The following TMEM131L variants were observed in gnomAD, a reference collection of about 807,000 sequenced individuals.
TMEM131L encodes the protein transmembrane protein 131-like.
In TMEM131L, 54 loss-of-function variants were observed where a neutral mutation model predicts 192.2. The observed-to-expected ratio is 0.28, with a 90% CI of 0.23 to 0.35. TMEM131L has a LOEUF of 0.35. Ranked by LOEUF, TMEM131L falls within the 10% of genes least tolerant of loss-of-function variation. The pLI, the probability that TMEM131L is intolerant of heterozygous loss-of-function variation, is 1.00. For synonymous variants in TMEM131L, 701 were observed against 704.9 expected (o/e 0.99, Z 0.09); for missense variants, 1,888 against 1,972.9 (o/e 0.96, Z 0.82).
chr4:153,519,621 C>A (rs115329564), intron 3 of TMEM131L, among the ~76,000 whole-genome samples: 2,822 of 152,254 alleles, frequency 0.019, 49 homozygotes, highest in South Asian at 0.062. Context: ...AGGAAGGAAA[C>A]AACAGGCAAA....
chr4:153,629,848 C>A (rs1468724650), intron 31 of TMEM131L, among the ~76,000 whole-genome samples: 1 of 152,174 alleles, frequency 6.6e-6, no homozygotes, highest in Non-Finnish European at 1.5e-5. Flanking sequence ...AGAGAGCAGG[C>A]CTTGGTGCTG....
At chr4:153,486,670 G>A (rs759456392) in intron 3 of TMEM131L, among the ~76,000 whole-genome samples, 16 of 152,150 alleles carry the variant, frequency 1.1e-4, no homozygotes, top group Non-Finnish European at 1.9e-4. Context: ...AACATCCAAA[G>A]GCAGGTTAAA....
At chr4:153,519,208 G>A (rs1313743368) in intron 3 of TMEM131L, among the ~76,000 whole-genome samples, 3 of 152,166 alleles carry the variant, frequency 2.0e-5, no homozygotes, top group Admixed American at 6.5e-5. Flanking sequence ...TCTTTACTTA[G>A]AGATTTGGTA....
chr4:153,600,350 G>C (rs1005274433), intron 21 of TMEM131L, among the ~76,000 whole-genome samples: 1 of 149,062 alleles, frequency 6.7e-6, no homozygotes, highest in African/African-American at 2.5e-5. Flanking sequence ...GTGGGTGACA[G>C]AGTGAGACCC....
intron 3 of TMEM131L, among the ~76,000 whole-genome samples, chr4:153,543,462 GTT>G (rs1380000204): frequency 6.6e-6 from 1 of 152,198 alleles, no homozygotes; most frequent in East Asian, 1.9e-4. Flanking sequence ...TAGGCCATTT[GTT>G]TTTCAAGGAA....
At chr4:153,566,378 G>A (rs1487258618) in intron 7 of TMEM131L, among the ~76,000 whole-genome samples, 2 of 151,914 alleles carry the variant, frequency 1.3e-5, no homozygotes, top group East Asian at 1.9e-4. Flanking sequence ...CTCGTGATCC[G>A]CCCGCCTCAG....
In TMEM131L at chr4:153,476,423, C is replaced by T. The variant is rs191307380; in HGVS notation, c.239+2535C>T. On this transcript the variant is annotated intron_variant, in intron 3 of 34. Coordinates refer to ENST00000409959, the MANE Select transcript of TMEM131L (RefSeq NM_001131007.2). ...TTAAAATTCCTTGGGTAGGGCCAGGCGCAGTGGCTGACGCCTGTAATCACA... is the reference window on the plus strand; with the variant it reads ...TTAAAATTCCTTGGGTAGGGCCAGGTGCAGTGGCTGACGCCTGTAATCACA... Among the ~76,000 whole-genome samples, 490 of 152,238 alleles carry T rather than the reference C, an allele frequency of 3.2e-3. 1 individual carries two copies. The highest frequency in any genetic ancestry group is 0.011 in the African/African-American group (471 of 41,544).
At chr4:153,490,097 C>T (rs1041345165) in intron 3 of TMEM131L, among the ~76,000 whole-genome samples, 10 of 152,082 alleles carry the variant, frequency 6.6e-5, no homozygotes, top group Admixed American at 3.3e-4. Context: ...TCTCTTCCTG[C>T]GTCCGTGTAT....
chr4:153,618,216 C>T (rs993054324), intron 26 of TMEM131L, among the ~76,000 whole-genome samples: 1 of 151,956 alleles, frequency 6.6e-6, no homozygotes, highest in African/African-American at 2.4e-5. Flanking sequence ...GATCAGCAAA[C>T]GTAACTAGTT....
chr4:153,507,079 AG>A (rs1195965188), intron 3 of TMEM131L, among the ~76,000 whole-genome samples: 8 of 152,084 alleles, frequency 5.3e-5, no homozygotes, highest in Non-Finnish European at 1.0e-4. Context: ...TGTGGAAGGG[AG>A]GGGGCAGAAG....
At chr4:153,603,528 T>A in intron 24 of TMEM131L, 76 bp downstream of exon 24, 1 of 1,445,638 alleles carries the variant, frequency 6.9e-7, no homozygotes, top group Non-Finnish European at 9.3e-7. Context: ...GATTTAATTT[T>A]AAGTAAACAT....
intron 3 of TMEM131L, among the ~76,000 whole-genome samples, chr4:153,503,420 T>A (rs1733747773): frequency 6.6e-6 from 1 of 152,194 alleles, no homozygotes; most frequent in African/African-American, 2.4e-5. Flanking sequence ...CTTTTTAAAA[T>A]AAGGCAAAAT....
intron 3 of TMEM131L, among the ~76,000 whole-genome samples, chr4:153,484,747 C>T (rs1338096380): frequency 1.4e-5 from 2 of 146,834 alleles, no homozygotes; most frequent in African/African-American, 5.0e-5. Flanking sequence ...AGATTACAGG[C>T]GTGAGCCACC....
rs140523074 is a variant in TMEM131L at position 153,635,662 on chromosome 4, G to A, written c.4557+91G>A. 842 of 1,461,534 alleles carry A rather than the reference G, an allele frequency of 5.8e-4. 4 individuals carry two copies. In the African/African-American group the frequency reaches 9.5e-3, roughly 16 times the overall value. 90.5% of individuals were successfully genotyped at this position (1,461,534 alleles called of 1,614,324 possible). A position where few individuals can be genotyped will look rare whatever the true frequency, so the allele number is the denominator to read the frequency against. ...AATCCTGGTCTCAGCTAGCTTTAGC[G>A]TTGGGTTTGGACCAGCCAAAGCCTG... On this transcript the variant is annotated intron_variant, in intron 34 of 34. Transcript: ENST00000409959.
intron 6 of TMEM131L, 74 bp downstream of exon 6, chr4:153,557,156 A>G: frequency 1.4e-6 from 1 of 719,782 alleles, no homozygotes; most frequent in Non-Finnish European, 2.5e-6. Context: ...ATATTTTTAA[A>G]AAGACTTTTG....
intron 7 of TMEM131L, among the ~76,000 whole-genome samples, chr4:153,571,879 T>A (rs529678110): frequency 6.6e-6 from 1 of 152,342 alleles, no homozygotes; most frequent in Admixed American, 6.5e-5. Context: ...GAGGAACAAT[T>A]CCAGTCTGCT....
intron 3 of TMEM131L, among the ~76,000 whole-genome samples, chr4:153,493,345 C>CAAAAAAAAAAAAAAAAAAAAAAAA (rs35052272): frequency 2.7e-5 from 2 of 72,876 alleles, no homozygotes; most frequent in African/African-American, 1.3e-4. Flanking sequence ...GACTCTGTCT[C>CAAAAAAAAAAAAAAAAAAAAAAAA]AAAAAAAAAA....
At chr4:153,525,748 G>A (rs970625111) in intron 3 of TMEM131L, among the ~76,000 whole-genome samples, 8 of 152,188 alleles carry the variant, frequency 5.3e-5, no homozygotes, top group African/African-American at 1.4e-4. Flanking sequence ...CTGTATCAGT[G>A]TTTTTCAAAT....
chr4:153,488,897 G>A (rs147128046), intron 3 of TMEM131L, among the ~76,000 whole-genome samples: 1 of 152,140 alleles, frequency 6.6e-6, no homozygotes, highest in Non-Finnish European at 1.5e-5. Context: ...CGGCACTCCA[G>A]TCTCTTGTCG....
Sources: gnomAD v4.1 joint callset for allele counts (sites outside exome capture counted in the v4.1 genomes callset) on GRCh38, gnomAD v4.1.1 for gene constraint, MANE v1.5 for transcripts, NCBI Gene and HGNC (gene_info 2026-07-23, HGNC 2026-07-21) for gene names.